CATSPERB: variants seen among roughly 807,000 people sequenced by gnomAD.
CATSPERB encodes the protein catsper channel auxiliary subunit beta.
Under a neutral mutation model 128.3 loss-of-function variants are expected in CATSPERB, and 93 were observed. The observed-to-expected ratio is 0.72, with a 90% CI of 0.61 to 0.86. The LOEUF is 0.86. CATSPERB is among the 40% of genes least tolerant of loss of function. The pLI is 0.00. For missense variants in CATSPERB, 1,153 were observed against 1,329.5 expected (o/e 0.87, Z 2.06); for synonymous variants, 381 against 448.8 (o/e 0.85, Z 1.91).
intron 7 of CATSPERB, among the ~76,000 whole-genome samples, chr14:91,699,473 G>A (rs1186843929): frequency 6.6e-6 from 1 of 151,794 alleles, no homozygotes; most frequent in Non-Finnish European, 1.5e-5. Flanking sequence ...AGCCCAAATA[G>A]CTAAAGTATT....
intron 17 of CATSPERB, among the ~76,000 whole-genome samples, chr14:91,625,546 A>G (rs1894144238): frequency 6.6e-6 from 1 of 152,224 alleles, no homozygotes; most frequent in Non-Finnish European, 1.5e-5. Flanking sequence ...GGGTGTTTAG[A>G]AAGAGTTTTT....
intron 13 of CATSPERB, 148 bp downstream of exon 13, chr14:91,672,719 C>T: frequency 1.7e-6 from 1 of 594,978 alleles, no homozygotes; most frequent in Non-Finnish European, 2.9e-6. Flanking sequence ...AAGTGTCAAG[C>T]TATATTATTG....
intron 15 of CATSPERB, among the ~76,000 whole-genome samples, chr14:91,641,521 G>C (rs1322798157): frequency 2.0e-5 from 3 of 151,906 alleles, no homozygotes; most frequent in Non-Finnish European, 4.4e-5. Context: ...ATAGTTGTGG[G>C]TATGTGGCAT....
At chr14:91,638,517 T>C (rs1466295798) in intron 16 of CATSPERB, among the ~76,000 whole-genome samples, 1 of 151,914 alleles carries the variant, frequency 6.6e-6, no homozygotes, top group African/African-American at 2.4e-5. Context: ...ACTTCCCAGG[T>C]TCAAGTGATC....
intron 14 of CATSPERB, among the ~76,000 whole-genome samples, chr14:91,667,705 C>T (rs1426378111): frequency 6.6e-6 from 1 of 152,148 alleles, no homozygotes; most frequent in Non-Finnish European, 1.5e-5. Flanking sequence ...TGCACCTTCT[C>T]AGGGAAAGAG....
In CATSPERB at chr14:91,580,952, G is replaced by A; in HGVS notation, c.3288C>T (p.Asn1096=). 1.2e-6 allele frequency: 2 copies of A among 1,614,180 alleles called. No homozygotes were observed. Among genetic ancestry groups the A allele is most frequent in the Non-Finnish European group, 1.7e-6 (2 of 1,180,028 alleles). Residue 1096 remains asparagine (N), a synonymous_variant, in exon 27 of 27, where the codon AAC becomes AAT. Transcript: ENST00000256343. ...WRTFQRWIRR[N]QEKFSSISLS... ...GAGAGATACTTGAAAACTTCTCTTG[G>A]TTTCTTCTAATCCATCTTTGGAATG...
chr14:91,673,396 G>A (rs1333984013), intron 12 of CATSPERB, among the ~76,000 whole-genome samples: 1 of 152,104 alleles, frequency 6.6e-6, no homozygotes, highest in East Asian at 1.9e-4. Flanking sequence ...ACAGGTTTGA[G>A]ATTTTTATCT....
At chr14:91,712,466 G>C (rs140201318) in intron 5 of CATSPERB, among the ~76,000 whole-genome samples, 1 of 152,080 alleles carries the variant, frequency 6.6e-6, no homozygotes, top group Non-Finnish European at 1.5e-5. Flanking sequence ...TAGTCATAGC[G>C]GTGGTGGATT....
chr14:91,583,190 G>A (rs1164209489), intron 26 of CATSPERB, among the ~76,000 whole-genome samples: 3 of 152,182 alleles, frequency 2.0e-5, no homozygotes, highest in African/African-American at 4.8e-5. Context: ...AGGCCAAGGC[G>A]GGCAGATCAC....
At chr14:91,702,371 CCATTAA>C (rs1489831651) in intron 7 of CATSPERB, among the ~76,000 whole-genome samples, 4 of 149,834 alleles carry the variant, frequency 2.7e-5, no homozygotes, top group Non-Finnish European at 5.9e-5. Flanking sequence ...GCGGTTTTTG[CCATTAA>C]AAATAATTGC....
intron 13 of CATSPERB, among the ~76,000 whole-genome samples, chr14:91,670,531 A>T (rs1310334733): frequency 1.3e-5 from 2 of 151,730 alleles, no homozygotes; most frequent in Non-Finnish European, 2.9e-5. Context: ...AAAAATTAAA[A>T]ATTAGCCAGG....
At chr14:91,690,931 T>C (rs1173356132) in intron 10 of CATSPERB, among the ~76,000 whole-genome samples, 1 of 152,220 alleles carries the variant, frequency 6.6e-6, no homozygotes, top group African/African-American at 2.4e-5. Flanking sequence ...ATTTGTGGTT[T>C]TCCAACCGAA....
intron 4 of CATSPERB, among the ~76,000 whole-genome samples, chr14:91,721,112 A>T (rs1342450428): frequency 6.6e-6 from 1 of 152,212 alleles, no homozygotes; most frequent in African/African-American, 2.4e-5. Flanking sequence ...TAGAAGGTAA[A>T]TTATCAACCT....
intron 11 of CATSPERB, 84 bp from the exon 12 acceptor site, chr14:91,674,306 G>T: frequency 1.3e-6 from 1 of 748,652 alleles, no homozygotes; most frequent in Non-Finnish European, 2.2e-6. Context: ...TAGTCTTCAT[G>T]AAAATCATAG....
At chr14:91,632,298 CAAA>C (rs1480844460) in intron 17 of CATSPERB, among the ~76,000 whole-genome samples, 1 of 151,598 alleles carries the variant, frequency 6.6e-6, no homozygotes, top group African/African-American at 2.4e-5. Flanking sequence ...GTATCAATAA[CAAA>C]AAAAGCTACA....
chr14:91,704,383 T>C (rs998621137), intron 7 of CATSPERB, among the ~76,000 whole-genome samples, 169 bp downstream of exon 7: 1 of 152,222 alleles, frequency 6.6e-6, no homozygotes, highest in African/African-American at 2.4e-5. Flanking sequence ...ACTTAGTATA[T>C]CATACTTGGA....
intron 7 of CATSPERB, among the ~76,000 whole-genome samples, chr14:91,697,775 A>G (rs1895587533): frequency 6.6e-6 from 1 of 152,086 alleles, no homozygotes; most frequent in African/African-American, 2.4e-5. Flanking sequence ...TGTTTTGGTT[A>G]CTGCAGTCTT....
chr14:91,639,096 C>T lies in CATSPERB; in HGVS notation c.1587G>A (p.Gln529=). The change falls in exon 16 of 27, where the codon CAG becomes CAA. Residue 529 remains glutamine, a splice_region_variant and synonymous_variant. Transcript: ENST00000256343. ...AFGNSRNLFG[Q]PPDMGFETAL... ...CTGTTTCAATGCATTATATACTGACCTGTCCAAAAAGATTTCTAGAATTTC... is the reference window on the plus strand; with the variant it reads ...CTGTTTCAATGCATTATATACTGACTTGTCCAAAAAGATTTCTAGAATTTC... 6.2e-7 allele frequency: 1 copy of T among 1,613,446 alleles called. No homozygotes were observed. Among genetic ancestry groups the T allele is most frequent in the Non-Finnish European group, 8.5e-7 (1 of 1,179,678 alleles).
At chr14:91,670,054 AAGAG>A in intron 13 of CATSPERB, 82 bp from the exon 14 acceptor site, 1 of 1,209,842 alleles carries the variant, frequency 8.3e-7, no homozygotes, top group Non-Finnish European at 1.2e-6. Context: ...CATTTTGATT[AAGAG>A]AGAGATACAA....
Sources: gnomAD v4.1 joint callset for allele counts (sites outside exome capture counted in the v4.1 genomes callset) on GRCh38, gnomAD v4.1.1 for gene constraint, MANE v1.5 for transcripts, NCBI Gene and HGNC (gene_info 2026-07-23, HGNC 2026-07-21) for gene names.